NRG3: variants seen among roughly 807,000 people sequenced by gnomAD.
The protein encoded by NRG3 is pro-neuregulin-3, membrane-bound isoform.
In NRG3, 31 loss-of-function variants were observed where a neutral mutation model predicts 66.9. The observed-to-expected ratio is 0.46, with a 90% confidence interval of 0.35 to 0.63. The LOEUF (loss-of-function observed/expected upper bound fraction) is 0.63, where lower values mean the gene tolerates loss of function less well. Among genes scored for constraint, NRG3 ranks in the 20% least tolerant of loss-of-function variants. NRG3 has a pLI of 0.00. For synonymous variants in NRG3, 393 were observed against 359.4 expected (o/e 1.09, Z -1.06); for missense variants, 910 against 878.9 (o/e 1.04, Z -0.45).
At chr10:82,795,122 A>C (rs912494338) in intron 3 of NRG3, among the ~76,000 whole-genome samples, 2 of 152,378 alleles carry the variant, frequency 1.3e-5, no homozygotes, top group Middle Eastern at 3.4e-3. Context: ...CCATTACTGG[A>C]TATCTTCAAA....
chr10:82,855,046 A>G (rs1233326151), intron 3 of NRG3, among the ~76,000 whole-genome samples: 1 of 152,102 alleles, frequency 6.6e-6, no homozygotes, highest in African/African-American at 2.4e-5. Context: ...CTCTTCTAGT[A>G]TCTTCATGTC....
chr10:82,106,811 T>G (rs1057449683), intron 1 of NRG3, among the ~76,000 whole-genome samples: 3 of 152,098 alleles, frequency 2.0e-5, no homozygotes, highest in Non-Finnish European at 4.4e-5. Flanking sequence ...CTGGCTTAAT[T>G]AGACATTTTT....
intron 2 of NRG3, among the ~76,000 whole-genome samples, chr10:82,532,441 T>A (rs563216224): frequency 6.7e-6 from 1 of 149,422 alleles, no homozygotes; most frequent in Non-Finnish European, 1.5e-5. Flanking sequence ...AATGGATTAC[T>A]ATATATCTAT....
intron 2 of NRG3, among the ~76,000 whole-genome samples, chr10:82,453,665 A>C (rs951760178): frequency 1.3e-5 from 2 of 151,792 alleles, no homozygotes; most frequent in Admixed American, 6.6e-5. Flanking sequence ...ACAGGTTAAA[A>C]GCCTGATGTT....
chr10:82,704,882 ATCT>A lies in NRG3; in HGVS notation c.954-33690_954-33688del, dbSNP rs1372092271. ...TAATTCAATTTTATAGTTGTTTAAA[ATCT>A]TCTTTGTAAAAGAATATGCTCAGAA... On this transcript the variant is annotated intron_variant, in intron 2 of 8. Coordinates refer to ENST00000372141, the MANE Select transcript of NRG3 (RefSeq NM_001010848.4). Among the ~76,000 whole-genome samples the A allele has an allele frequency of 5.9e-5, 9 of 152,342 alleles. No homozygotes were observed. The East Asian group carries it at 1.5e-3, about 26-fold the overall frequency.
chr10:82,427,140 A>G (rs2089501079), intron 2 of NRG3, among the ~76,000 whole-genome samples: 2 of 152,036 alleles, frequency 1.3e-5, no homozygotes, highest in South Asian at 2.1e-4. Flanking sequence ...TCAAATAGAG[A>G]TGGTTTTACT....
At chr10:82,655,144 G>A (rs190180887) in intron 2 of NRG3, among the ~76,000 whole-genome samples, 55 of 151,636 alleles carry the variant, frequency 3.6e-4, no homozygotes, top group East Asian at 1.7e-3. Flanking sequence ...AAGGATTTTC[G>A]TGTTAGAAAT....
At chr10:82,411,341 T>C (rs1223875235) in intron 2 of NRG3, among the ~76,000 whole-genome samples, 1 of 152,138 alleles carries the variant, frequency 6.6e-6, no homozygotes, top group Non-Finnish European at 1.5e-5. Context: ...TTTTACCAAA[T>C]GACGTTTGTT....
At chr10:82,080,292 A>C (rs2065315888) in intron 1 of NRG3, among the ~76,000 whole-genome samples, 1 of 152,176 alleles carries the variant, frequency 6.6e-6, no homozygotes, top group African/African-American at 2.4e-5. Context: ...CTTGCCTTCA[A>C]CAACCCTGGG....
intron 1 of NRG3, among the ~76,000 whole-genome samples, chr10:82,055,924 T>C (rs2063825804): frequency 6.6e-6 from 1 of 152,142 alleles, no homozygotes; most frequent in Non-Finnish European, 1.5e-5. Flanking sequence ...CTTTTGTTCT[T>C]AGGAAATAAG....
At chr10:82,117,682 T>C (rs530013039) in intron 1 of NRG3, among the ~76,000 whole-genome samples, 1 of 152,210 alleles carries the variant, frequency 6.6e-6, no homozygotes, top group African/African-American at 2.4e-5. Flanking sequence ...GCCCAGAGTG[T>C]CTTGTGCAAC....
intron 1 of NRG3, among the ~76,000 whole-genome samples, chr10:82,081,792 C>T (rs1026175544): frequency 2.0e-5 from 3 of 152,278 alleles, no homozygotes; most frequent in African/African-American, 7.2e-5. Flanking sequence ...GTGCATGTGC[C>T]ACATGATTCA....
chr10:82,799,630 A>G (rs980524574), intron 3 of NRG3: 1 of 152,096 alleles, frequency 6.6e-6, no homozygotes. Context: ...GGCAGAAGCC[A>G]TGTAGCATTT....
At position 82,058,875 on chromosome 10, in the gene NRG3, A is replaced by G. The variant is rs1246463545; in HGVS notation, c.823+182712A>G. Among the ~76,000 whole-genome samples, 5 of 152,250 alleles carry G rather than the reference A, an allele frequency of 3.3e-5. No homozygotes were observed. The East Asian group carries it at 9.7e-4, about 29-fold the overall frequency. ...TACTCTGCTTGCCATGGGAACGTAT[A>G]TAGGAGGTGCGTCTGACCTGGACAA... On this transcript the variant is annotated intron_variant, in intron 1 of 8. Transcript: ENST00000372141.
chr10:82,439,095 A>T (rs1291686750), intron 2 of NRG3, among the ~76,000 whole-genome samples: 1 of 152,136 alleles, frequency 6.6e-6, no homozygotes, highest in Non-Finnish European at 1.5e-5. Flanking sequence ...ATTCTAGGTC[A>T]ATATACTATT....
chr10:82,275,717 C>T (rs2078813937), intron 1 of NRG3, among the ~76,000 whole-genome samples: 1 of 151,678 alleles, frequency 6.6e-6, no homozygotes, highest in African/African-American at 2.4e-5. Flanking sequence ...TGATGTATGC[C>T]CACTTTAAAG....
chr10:81,954,665 G>A (rs546514170), intron 1 of NRG3, among the ~76,000 whole-genome samples: 1 of 152,104 alleles, frequency 6.6e-6, no homozygotes, highest in Admixed American at 6.6e-5. Context: ...AAAAATATCT[G>A]CATTCACAAA....
intron 1 of NRG3, among the ~76,000 whole-genome samples, chr10:81,878,526 G>T (rs1841889042): frequency 6.6e-6 from 1 of 152,116 alleles, no homozygotes; most frequent in African/African-American, 2.4e-5. Flanking sequence ...AGGAAATTAA[G>T]ATTTCATTTG....
At chr10:82,490,794 C>A (rs188278648) in intron 2 of NRG3, among the ~76,000 whole-genome samples, 1 of 152,262 alleles carries the variant, frequency 6.6e-6, no homozygotes, top group Non-Finnish European at 1.5e-5. Context: ...GCATCTTTCT[C>A]ATTATTGCTA....
Sources: allele counts gnomAD v4.1 joint callset (sites outside exome capture counted in the v4.1 genomes callset), GRCh38; gene constraint gnomAD v4.1.1; transcripts MANE v1.5; gene names NCBI Gene and HGNC (gene_info 2026-07-23, HGNC 2026-07-21).